Variants in ZNF354C observed in about 807,000 individuals in gnomAD.
The protein encoded by ZNF354C is KRAB-zinc finger protein synten.
ZNF354C carries 7 observed loss-of-function variants against 12.4 expected under a neutral mutation model. That is an observed-to-expected ratio of 0.56 (90% CI 0.32 to 1.06). The LOEUF (loss-of-function observed/expected upper bound fraction) is 1.06. Among genes scored for constraint, ZNF354C ranks in the 50% least tolerant of loss-of-function variants. The pLI is 0.04. For missense variants in ZNF354C, 609 were observed against 658.0 expected (o/e 0.93, Z 0.81); for synonymous variants, 202 against 224.5 (o/e 0.90, Z 0.90).
rs779564675 is a variant in ZNF354C, at chr5:179,079,931, A to AAT, written c.1500_1501dup (p.Cys501TyrfsTer61). 2 of 1,613,942 alleles carry AAT rather than the reference A, an allele frequency of 1.2e-6. No individual in the cohort carries two copies. Among genetic ancestry groups the AAT allele is most frequent in the South Asian group, 2.2e-5 (2 of 91,026 alleles). ...GGAGAGAAACTGTATAAATGTATGG[A>AAT]ATGTGGGAAAGCCTACAGTTACAGA... is the stretch of plus-strand genomic sequence containing the variant. On this transcript the variant is annotated frameshift_variant, in exon 5 of 5. Coordinates refer to ENST00000315475, the MANE Select transcript of ZNF354C (RefSeq NM_014594.3). LOFTEE classifies it low-confidence loss of function (END_TRUNC). The surrounding 1 kb of genome is among the most constrained non-coding windows in gnomAD (Gnocchi z 4.2).
intron 2 of ZNF354C, among the ~76,000 whole-genome samples, chr5:179,064,112 A>T (rs914635663): frequency 2.0e-5 from 3 of 152,312 alleles, no homozygotes; most frequent in Admixed American, 1.3e-4. Context: ...AGCAGGAGAG[A>T]CTTACTTCAT....
At position 179,083,945 on chromosome 5, in the gene ZNF354C, C is replaced by CTCA. The variant is rs1554121047; in HGVS notation, c.*3848_*3849insTCA. 6.6e-6 allele frequency among the ~76,000 whole-genome samples: 1 copy of CTCA among 151,350 alleles called. No homozygotes were observed. The highest frequency in any genetic ancestry group is 1.5e-5 in the Non-Finnish European group (1 of 67,784). Reference sequence around the variant, plus strand: ...AGGAGACTCCCCATTGCTTTTCTTCCCTATCTATCTTCCTGCTACTTGGAC... The same window carrying CTCA: ...AGGAGACTCCCCATTGCTTTTCTTCCTCACTATCTATCTTCCTGCTACTTGGAC... On this transcript the variant is annotated 3_prime_UTR_variant, in exon 5 of 5. Transcript: ENST00000315475.
intron 2 of ZNF354C, among the ~76,000 whole-genome samples, chr5:179,072,710 T>G (rs1354549773): frequency 1.3e-5 from 2 of 152,118 alleles, no homozygotes; most frequent in African/African-American, 2.4e-5. Context: ...CCAGCTACAT[T>G]AAAAAAGTAA....
rs1329510767 is a variant in ZNF354C, at chr5:179,083,837, A to T, written c.*3740A>T. 2.0e-5 allele frequency among the ~76,000 whole-genome samples: 3 copies of T among 152,194 alleles called. No individual in the cohort carries two copies. The highest frequency in any genetic ancestry group is 2.9e-5 in the Non-Finnish European group (2 of 68,026). ...GCTCCTGGGCATTCCTGTGGTGAGG[A>T]CAGAGATGGCTGAGCAGGCATCTAA... On this transcript the variant is annotated 3_prime_UTR_variant, in exon 5 of 5. Coordinates refer to ENST00000315475, the MANE Select transcript of ZNF354C (RefSeq NM_014594.3).
intron 2 of ZNF354C, among the ~76,000 whole-genome samples, chr5:179,065,767 T>G (rs1761951585): frequency 6.6e-6 from 1 of 152,118 alleles, no homozygotes; most frequent in Non-Finnish European, 1.5e-5. Flanking sequence ...GTGATGTTTT[T>G]TCTCATTATT....
At chr5:179,066,659 A>C (rs536457127) in intron 2 of ZNF354C, among the ~76,000 whole-genome samples, 17 of 152,308 alleles carry the variant, frequency 1.1e-4, no homozygotes, top group Admixed American at 1.1e-3. Flanking sequence ...TCAACAATTT[A>C]AATATTTTGT....
intron 2 of ZNF354C, among the ~76,000 whole-genome samples, chr5:179,067,716 C>T (rs142326304): frequency 0.015 from 2,337 of 152,092 alleles, 52 homozygotes; most frequent in African/African-American, 0.052. Flanking sequence ...GGTGTGGTGG[C>T]GCACGCCTGT....
intron 2 of ZNF354C, among the ~76,000 whole-genome samples, chr5:179,074,077 G>A (rs913870260): frequency 4.0e-5 from 6 of 151,812 alleles, no homozygotes; most frequent in Non-Finnish European, 7.4e-5. Flanking sequence ...TCTACCTCCC[G>A]GTTCAAGTGA....
At chr5:179,074,425 G>C (rs1762088152) in intron 2 of ZNF354C, among the ~76,000 whole-genome samples, 1 of 152,052 alleles carries the variant, frequency 6.6e-6, no homozygotes, top group Admixed American at 6.6e-5. Context: ...ACCACACCCG[G>C]CCTGGCTTGT....
chr5:179,072,213 A>G (rs761733102), intron 2 of ZNF354C, among the ~76,000 whole-genome samples: 2 of 152,136 alleles, frequency 1.3e-5, no homozygotes, highest in African/African-American at 4.8e-5. Flanking sequence ...TAGGAAATGC[A>G]AGCAGAGAAA....
rs1762240051 is a variant in ZNF354C at position 179,082,345 on chromosome 5, A to G, written c.*2248A>G. On this transcript the variant is annotated 3_prime_UTR_variant, in exon 5 of 5. Transcript: ENST00000315475. ...GCCGAAAATGTTTACCTCAAATTTA[A>G]TTAAATCTTTTGTCTAGACTTATCT... 3 of 215,644 alleles carry G rather than the reference A, an allele frequency of 1.4e-5. No homozygotes were observed. The South Asian group carries it at 2.5e-4, about 18-fold the overall frequency. The allele number at this position is 215,644 out of a possible 1,614,324, so 13.4% of individuals were successfully genotyped here.
In ZNF354C at chr5:179,078,673, T is replaced by A. The variant is rs968901773; in HGVS notation, c.251-10T>A. On this transcript the variant is annotated splice_polypyrimidine_tract_variant and intron_variant, in intron 4 of 4. Transcript: ENST00000315475. Reference sequence around the variant, plus strand: ...GCAGAGGAGGCATTAATTCTTCTGATTCATTTTAGGTTTCAAGACTTGGCT... The same window carrying A: ...GCAGAGGAGGCATTAATTCTTCTGAATCATTTTAGGTTTCAAGACTTGGCT... 1.9e-6 allele frequency: 3 copies of A among 1,571,336 alleles called. No homozygotes were observed. The highest frequency in any genetic ancestry group is 2.6e-6 in the Non-Finnish European group (3 of 1,162,868).
At chr5:179,075,797 A>G (rs2113121399) in intron 2 of ZNF354C, among the ~76,000 whole-genome samples, 1 of 152,360 alleles carries the variant, frequency 6.6e-6, no homozygotes, top group East Asian at 1.9e-4. Flanking sequence ...ATGACGTTTC[A>G]TGGAATAAAT....
intron 4 of ZNF354C, 75 bp from the exon 5 acceptor site, chr5:179,078,608 A>T (rs1762163008): frequency 8.6e-7 from 1 of 1,156,530 alleles, no homozygotes; most frequent in African/African-American, 1.6e-5. Flanking sequence ...TACTGTTACC[A>T]GTTTTTTTGT....
intron 2 of ZNF354C, among the ~76,000 whole-genome samples, chr5:179,063,414 G>A (rs893097917): frequency 1.3e-5 from 2 of 152,128 alleles, no homozygotes; most frequent in Non-Finnish European, 2.9e-5. Context: ...TAAAAATAAA[G>A]TAGCTGGGTG....
intron 2 of ZNF354C, among the ~76,000 whole-genome samples, chr5:179,072,834 G>GTGTA (rs977977505): frequency 1.4e-4 from 21 of 152,232 alleles, no homozygotes; most frequent in African/African-American, 4.6e-4. Context: ...ATATATGTTT[G>GTGTA]TGTATGTATG....
At chr5:179,076,414 T>G (rs771762802) in intron 2 of ZNF354C, 31 bp from the exon 3 acceptor site, 1 of 1,614,026 alleles carries the variant, frequency 6.2e-7, no homozygotes, top group East Asian at 2.2e-5. Flanking sequence ...AAGATGGTCC[T>G]GGGTGAGCAG....
chr5:179,063,428 C>G (rs961563741), intron 2 of ZNF354C, among the ~76,000 whole-genome samples: 2 of 152,162 alleles, frequency 1.3e-5, no homozygotes, highest in Non-Finnish European at 2.9e-5. Flanking sequence ...CTGGGTGCAG[C>G]AGCACCTATA....
At chr5:179,072,380 T>A (rs977495889) in intron 2 of ZNF354C, among the ~76,000 whole-genome samples, 8 of 151,892 alleles carry the variant, frequency 5.3e-5, no homozygotes, top group African/African-American at 1.9e-4. Context: ...TTGACAGAAA[T>A]TATCCTATCT....
Sources: allele counts gnomAD v4.1 joint callset (sites outside exome capture counted in the v4.1 genomes callset), GRCh38; gene constraint gnomAD v4.1.1; non-coding constraint Gnocchi (gnomAD v3.1); transcripts MANE v1.5; gene names NCBI Gene and HGNC (gene_info 2026-07-23, HGNC 2026-07-21).